The following SNTG1 variants were observed in gnomAD, a reference collection of about 807,000 sequenced individuals.
The protein encoded by SNTG1 is syntrophin gamma 1, also known as gamma-1-syntrophin.
A neutral mutation model predicts 74.7 loss-of-function variants in SNTG1; 39 were observed. The ratio of observed to expected loss-of-function variants is 0.52; its 90% CI spans 0.40 to 0.68. The LOEUF (loss-of-function observed/expected upper bound fraction) is 0.68, where lower values mean the gene tolerates loss of function less well. Ranked by LOEUF, SNTG1 falls within the 30% of genes least tolerant of loss-of-function variation. SNTG1 has a pLI of 0.00. For missense variants in SNTG1, 685 were observed against 609.5 expected, an observed-to-expected ratio of 1.12 and a Z score of -1.30; for synonymous variants, 254 against 217.1, an observed-to-expected ratio of 1.17 and a Z score of -1.49.
chr8:50,027,188 G>C (rs1165705294), intron 1 of SNTG1, among the ~76,000 whole-genome samples: 4 of 152,132 alleles, frequency 2.6e-5, no homozygotes, highest in African/African-American at 9.7e-5. Flanking sequence ...GGGGAATTAA[G>C]TTCATTTTTA....
At chr8:49,944,413 A>ATTCT (rs4006377) in intron 1 of SNTG1, among the ~76,000 whole-genome samples, 5,532 of 151,684 alleles carry the variant, frequency 0.036, 248 homozygotes, top group South Asian at 0.13. Context: ...CATAACATAC[A>ATTCT]TTCTTTCTTT....
intron 15 of SNTG1, among the ~76,000 whole-genome samples, chr8:50,672,678 C>T (rs932098769): frequency 2.0e-5 from 3 of 152,114 alleles, no homozygotes; most frequent in Non-Finnish European, 2.9e-5. Flanking sequence ...TGTGCAGAAG[C>T]TCTTTAGTTT....
At chr8:50,732,721 T>C (rs998441979) in intron 17 of SNTG1, among the ~76,000 whole-genome samples, 1 of 151,944 alleles carries the variant, frequency 6.6e-6, no homozygotes, top group African/African-American at 2.4e-5. Context: ...GTTATGTAAA[T>C]ATTTTTTCCA....
intron 1 of SNTG1, among the ~76,000 whole-genome samples, chr8:49,954,127 T>A (rs1809961582): frequency 6.6e-6 from 1 of 152,228 alleles, no homozygotes; most frequent in Non-Finnish European, 1.5e-5. Context: ...TCACTTAGCA[T>A]CTATTTTAAT....
At chr8:50,669,447 T>A (rs900820588) in intron 15 of SNTG1, among the ~76,000 whole-genome samples, 2 of 151,958 alleles carry the variant, frequency 1.3e-5, no homozygotes, top group African/African-American at 4.8e-5. Flanking sequence ...CTAGAAGAAA[T>A]GGATAAATTC....
At chr8:50,425,100 G>A (rs1234995269) in intron 4 of SNTG1, among the ~76,000 whole-genome samples, 2 of 152,160 alleles carry the variant, frequency 1.3e-5, no homozygotes, top group Non-Finnish European at 2.9e-5. Context: ...AATATGGAAT[G>A]AGTCATAAGA....
intron 13 of SNTG1, among the ~76,000 whole-genome samples, chr8:50,592,210 G>T (rs1194229780): frequency 6.6e-6 from 1 of 152,126 alleles, no homozygotes; most frequent in Non-Finnish European, 1.5e-5. Context: ...TATGAGGGAA[G>T]ATTATAATGT....
chr8:49,934,925 G>A (rs1035135699), intron 1 of SNTG1, among the ~76,000 whole-genome samples: 2 of 152,006 alleles, frequency 1.3e-5, no homozygotes, highest in Non-Finnish European at 2.9e-5. Flanking sequence ...CTTTGAATTT[G>A]TGAGGGAAAA....
At chr8:50,145,218 A>G (rs2131495430) in intron 1 of SNTG1, among the ~76,000 whole-genome samples, 1 of 152,298 alleles carries the variant, frequency 6.6e-6, no homozygotes, top group East Asian at 1.9e-4. Flanking sequence ...GGGATTGAGG[A>G]GACTCTTCAT....
intron 2 of SNTG1, among the ~76,000 whole-genome samples, chr8:50,347,017 A>G: frequency 6.6e-6 from 1 of 152,266 alleles, no homozygotes; most frequent in East Asian, 1.9e-4. Context: ...TATCCAGAAG[A>G]TCTAAATAAG....
At chr8:50,571,310 G>A (rs2094547961) in intron 12 of SNTG1, among the ~76,000 whole-genome samples, 1 of 152,198 alleles carries the variant, frequency 6.6e-6, no homozygotes, top group African/African-American at 2.4e-5. Context: ...CCTGGGACCT[G>A]CCTCCTGTCC....
intron 1 of SNTG1, among the ~76,000 whole-genome samples, chr8:49,928,156 T>TAAAG (rs1807208283): frequency 6.8e-6 from 1 of 147,234 alleles, no homozygotes; most frequent in Non-Finnish European, 1.5e-5. Context: ...AATAAATAAA[T>TAAAG]AAATAAATAA....
chr8:50,078,268 A>G (rs1822081914), intron 1 of SNTG1, among the ~76,000 whole-genome samples: 3 of 152,084 alleles, frequency 2.0e-5, no homozygotes, highest in Non-Finnish European at 4.4e-5. Context: ...GTTCCTTTGC[A>G]TTTACACTTT....
chr8:50,330,079 C>A (rs369685725), intron 2 of SNTG1, among the ~76,000 whole-genome samples: 17 of 152,198 alleles, frequency 1.1e-4, no homozygotes, highest in East Asian at 5.8e-4. Flanking sequence ...TTGGCTGTGT[C>A]CCCACACAAA....
chr8:50,583,275 G>A (rs1021632483), intron 12 of SNTG1, among the ~76,000 whole-genome samples: 15 of 151,658 alleles, frequency 9.9e-5, no homozygotes, highest in South Asian at 2.1e-4. Context: ...TGGTGGCGGC[G>A]CCTATAATCC....
At chr8:50,039,522 G>C (rs1818456027) in intron 1 of SNTG1, among the ~76,000 whole-genome samples, 1 of 150,092 alleles carries the variant, frequency 6.7e-6, no homozygotes, top group South Asian at 2.1e-4. Flanking sequence ...ATCTAAAATG[G>C]GTATCAGCAC....
At chr8:50,436,565 T>C (rs2131556082) in intron 4 of SNTG1, among the ~76,000 whole-genome samples, 1 of 152,258 alleles carries the variant, frequency 6.6e-6, no homozygotes, top group Non-Finnish European at 1.5e-5. Context: ...TTTATAAGCA[T>C]TTTCCAAATT....
intron 1 of SNTG1, among the ~76,000 whole-genome samples, chr8:49,992,168 C>G (rs539962446): frequency 2.5e-4 from 38 of 152,182 alleles, no homozygotes; most frequent in African/African-American, 8.4e-4. Flanking sequence ...TAGAAAGAGA[C>G]TTTCCAAATT....
chr8:50,054,718 C>A lies in SNTG1; in HGVS notation c.-102-117843C>A, dbSNP rs112305150. 7.2e-5 allele frequency among the ~76,000 whole-genome samples: 11 copies of A among 152,212 alleles called. 1 individual carries two copies. Among genetic ancestry groups the A allele is most frequent in the African/African-American group, 2.4e-4 (10 of 41,534 alleles). On this transcript the variant is annotated intron_variant, in intron 1 of 18. Transcript: ENST00000642720. ...TTGGGGTTTTACTCCGTTCCCCAAG[C>A]TAGAGTGCAGTGGTGCAATCATGGC...
Sources: allele counts gnomAD v4.1 joint callset (sites outside exome capture counted in the v4.1 genomes callset), GRCh38; gene constraint gnomAD v4.1.1; transcripts MANE v1.5; gene names NCBI Gene and HGNC (gene_info 2026-07-23, HGNC 2026-07-21).